FER1L6: variants seen among roughly 807,000 people sequenced by gnomAD.
FER1L6 encodes the protein fer-1 like family member 6.
FER1L6 carries 177 observed loss-of-function variants against 219.2 expected under a neutral mutation model. That is an observed-to-expected ratio of 0.81 (90% CI 0.71 to 0.91). The LOEUF (loss-of-function observed/expected upper bound fraction) is 0.91, where lower values mean the gene tolerates loss of function less well. Ranked by LOEUF, FER1L6 falls within the 40% of genes least tolerant of loss-of-function variation. The pLI is 0.00. For synonymous variants in FER1L6, 768 were observed against 824.3 expected (o/e 0.93, Z 1.17); for missense variants, 2,153 against 2,259.9 (o/e 0.95, Z 0.96).
At chr8:123,934,120 C>T (rs1813891274) in intron 1 of FER1L6, among the ~76,000 whole-genome samples, 1 of 151,962 alleles carries the variant, frequency 6.6e-6, no homozygotes, top group African/African-American at 2.4e-5. Flanking sequence ...ACTATTGATA[C>T]TTTTTTTTGA....
At chr8:123,894,222 C>A (rs574849948) in intron 1 of FER1L6, among the ~76,000 whole-genome samples, 1 of 152,284 alleles carries the variant, frequency 6.6e-6, no homozygotes, top group South Asian at 2.1e-4. Context: ...TGAAATGCCA[C>A]GCCCCTCATT....
At chr8:123,916,713 T>C (rs1488992183) in intron 1 of FER1L6, among the ~76,000 whole-genome samples, 2 of 152,180 alleles carry the variant, frequency 1.3e-5, no homozygotes, top group Non-Finnish European at 2.9e-5. Flanking sequence ...GATGGTTATA[T>C]TAGTTGATAA....
intron 21 of FER1L6, chr8:124,046,851 C>G (rs1040605719): frequency 6.6e-6 from 1 of 152,172 alleles, no homozygotes; most frequent in Non-Finnish European, 1.5e-5. Context: ...TGAACCAGGT[C>G]CCCTGTGCCC....
chr8:124,062,122 C>A (rs937304722), intron 25 of FER1L6, 90 bp downstream of exon 25: 11 of 1,382,472 alleles, frequency 8.0e-6, no homozygotes, highest in Non-Finnish European at 1.1e-5. Context: ...AAAGAGGATG[C>A]CCCACAGCCA....
At chr8:123,970,553 A>G (rs1815758685) in intron 6 of FER1L6, among the ~76,000 whole-genome samples, 1 of 152,148 alleles carries the variant, frequency 6.6e-6, no homozygotes. Context: ...ACCAGGAAAA[A>G]AGTGTCAGTC....
intron 1 of FER1L6, among the ~76,000 whole-genome samples, chr8:123,947,536 A>G (rs181702934): frequency 2.6e-5 from 4 of 152,274 alleles, no homozygotes; most frequent in African/African-American, 9.6e-5. Context: ...AAGAAATTCT[A>G]TTGAATTCTT....
At chr8:124,056,468 CTTCT>C (rs1474488310) in intron 22 of FER1L6, among the ~76,000 whole-genome samples, 3 of 152,126 alleles carry the variant, frequency 2.0e-5, no homozygotes, top group Admixed American at 6.5e-5. Flanking sequence ...TGTTTTTAAT[CTTCT>C]TTGTCTATGT....
Position 123,975,313 on chromosome 8 carries a change from C to T in FER1L6, c.683+7C>T. ...CCGAGGAGCCAATAGAAAAGTAAGA[C>T]AGGTCCATCCTGGGTTGTGCATAGA... is the stretch of plus-strand genomic sequence containing the variant. On this transcript the variant is annotated splice_region_variant and intron_variant, in intron 8 of 40. Transcript: ENST00000522917. The T allele has an allele frequency of 6.2e-7, 1 of 1,603,406 alleles. No individual in the cohort carries two copies. The highest frequency in any genetic ancestry group is 8.5e-7 in the Non-Finnish European group (1 of 1,174,086).
At chr8:123,975,059 G>C (rs567040607) in intron 7 of FER1L6, 91 bp from the exon 8 acceptor site, 1 of 1,202,480 alleles carries the variant, frequency 8.3e-7, no homozygotes, top group African/African-American at 1.6e-5. Flanking sequence ...AGAGGGAGGA[G>C]AGCCTGGGAG....
chr8:124,088,709 C>CA (rs1181714784), intron 33 of FER1L6, among the ~76,000 whole-genome samples: 1 of 151,584 alleles, frequency 6.6e-6, no homozygotes, highest in Admixed American at 6.6e-5. Flanking sequence ...GCTCTTTAGT[C>CA]AGTAGGAAAT....
intron 1 of FER1L6, among the ~76,000 whole-genome samples, chr8:123,937,253 C>T (rs1162139046): frequency 6.6e-6 from 1 of 152,154 alleles, no homozygotes; most frequent in Non-Finnish European, 1.5e-5. Flanking sequence ...ATTCACTGAA[C>T]GAGGGAAACA....
intron 1 of FER1L6, among the ~76,000 whole-genome samples, chr8:123,919,619 C>T (rs1038964614): frequency 1.3e-5 from 2 of 152,162 alleles, no homozygotes; most frequent in Non-Finnish European, 2.9e-5. Flanking sequence ...TTGCATGGCT[C>T]AGTGCAAAAT....
chr8:123,964,233 T>G (rs1815432621), intron 3 of FER1L6, among the ~76,000 whole-genome samples: 1 of 152,224 alleles, frequency 6.6e-6, no homozygotes, highest in Non-Finnish European at 1.5e-5. Context: ...GGATACAGAG[T>G]AAGCCAATGA....
chr8:124,044,184 A>G (rs975158029), intron 20 of FER1L6, among the ~76,000 whole-genome samples: 2 of 152,214 alleles, frequency 1.3e-5, no homozygotes, highest in African/African-American at 2.4e-5. Context: ...TCACATTTCT[A>G]TTTTGAAAAG....
intron 33 of FER1L6, among the ~76,000 whole-genome samples, chr8:124,091,030 G>A (rs1415889969): frequency 6.6e-6 from 1 of 152,136 alleles, no homozygotes; most frequent in Non-Finnish European, 1.5e-5. Flanking sequence ...AGGAGTAACT[G>A]CTTTCTGGGT....
intron 1 of FER1L6, among the ~76,000 whole-genome samples, chr8:123,913,388 C>T (rs918427020): frequency 1.3e-5 from 2 of 152,128 alleles, no homozygotes; most frequent in African/African-American, 2.4e-5. Context: ...TTATTTTCCA[C>T]AATTCCTAAG....
At chr8:123,930,305 GTCTATC>G (rs1344958747) in intron 1 of FER1L6, among the ~76,000 whole-genome samples, 2 of 151,740 alleles carry the variant, frequency 1.3e-5, no homozygotes, top group Non-Finnish European at 2.9e-5. Context: ...CCCACATGTT[GTCTATC>G]TCTATTTTTT....
intron 1 of FER1L6, among the ~76,000 whole-genome samples, chr8:123,869,254 C>G (rs1056136906): frequency 1.3e-5 from 2 of 152,156 alleles, no homozygotes; most frequent in South Asian, 4.1e-4. Flanking sequence ...CAGATATGAT[C>G]TCCCTTGTTT....
intron 39 of FER1L6, among the ~76,000 whole-genome samples, chr8:124,117,954 T>C (rs1823318940): frequency 6.6e-6 from 1 of 152,184 alleles, no homozygotes; most frequent in South Asian, 2.1e-4. Flanking sequence ...TGTAATAAAA[T>C]GCTTCACTCC....
Sources: gnomAD v4.1 joint callset for allele counts (sites outside exome capture counted in the v4.1 genomes callset) on GRCh38, gnomAD v4.1.1 for gene constraint, MANE v1.5 for transcripts, NCBI Gene and HGNC (gene_info 2026-07-23, HGNC 2026-07-21) for gene names.